The following NFIB variants were observed in gnomAD, a reference collection of about 807,000 sequenced individuals.
NFIB encodes the protein nuclear factor 1 B-type.
In NFIB, 11 loss-of-function variants were observed where a neutral mutation model predicts 61.5. That is an observed-to-expected ratio of 0.18 (90% CI 0.11 to 0.30). NFIB has a LOEUF of 0.30. Ranked by LOEUF, NFIB falls within the 10% of genes least tolerant of loss-of-function variation. The pLI is 1.00. For synonymous variants in NFIB, 260 were observed against 216.5 expected, an observed-to-expected ratio of 1.20 and a Z score of -1.76; for missense variants, 471 against 608.9, an observed-to-expected ratio of 0.77 and a Z score of 2.38.
In NFIB at chr9:14,231,129, AAAAAAAATATATAT is replaced by A. The variant is rs1371351652; in HGVS notation, c.563-51363_563-51350del. Among the ~76,000 whole-genome samples, 3 of 78,178 alleles carry A rather than the reference AAAAAAAATATATAT, an allele frequency of 3.8e-5. No individual in the cohort carries two copies. The East Asian group carries it at 1.4e-3, about 36-fold the overall frequency. The allele number at this position is 78,178 out of a possible 152,430, so 51.3% of individuals were successfully genotyped here. Reference sequence around the variant, plus strand: ...ACAGTTTTTCCATGGGGAAAAAAAAAAAAAAAATATATATATATATATATATATATATATATATT... The same window carrying A: ...ACAGTTTTTCCATGGGGAAAAAAAAAATATATATATATATATATATATATT... On this transcript the variant is annotated intron_variant, in intron 2 of 10. Coordinates refer to ENST00000380953, the MANE Select transcript of NFIB (RefSeq NM_001190737.2).
intron 10 of NFIB, among the ~76,000 whole-genome samples, chr9:14,105,828 T>A (rs749450238): frequency 3.0e-4 from 45 of 152,192 alleles, no homozygotes; most frequent in South Asian, 1.4e-3. Context: ...GCCTTTAGCA[T>A]AATTCAGTTT....
the NFIB span, among the ~76,000 whole-genome samples, chr9:14,415,369 A>G: frequency 6.6e-6 from 1 of 152,164 alleles, no homozygotes; most frequent in Non-Finnish European, 1.5e-5. Flanking sequence ...ACAACACATG[A>G]CTTATACCAT....
intron 3 of NFIB, among the ~76,000 whole-genome samples, chr9:14,174,353 C>T (rs1335758319): frequency 6.6e-6 from 1 of 152,062 alleles, no homozygotes; most frequent in Non-Finnish European, 1.5e-5. Flanking sequence ...TTGTCTAGTG[C>T]CAAAGTTTAA....
At chr9:14,476,428 C>A in the NFIB span, among the ~76,000 whole-genome samples, 757 of 152,174 alleles carry the variant, frequency 5.0e-3, 23 homozygotes, top group East Asian at 0.044. Context: ...GTGATGTGAG[C>A]CAGATCAGTG....
rs536854463 is a variant in NFIB at position 14,130,013 on chromosome 9, G to GAA, written c.926-4249_926-4248dup. Among the ~76,000 whole-genome samples the GAA allele has an allele frequency of 8.1e-3, 1,233 of 152,166 alleles. 11 individuals carry two copies. Among genetic ancestry groups the GAA allele is most frequent in the Middle Eastern group, 0.024 (7 of 294 alleles). ...GACAGAACAATTTAAATTTGATTTA[G>GAA]AAAGTAATAATTTATAAATGAATTG... On this transcript the variant is annotated intron_variant, in intron 6 of 10. Transcript: ENST00000380953.
At chr9:14,506,323 A>G in the NFIB span, among the ~76,000 whole-genome samples, 1 of 152,144 alleles carries the variant, frequency 6.6e-6, no homozygotes, top group Non-Finnish European at 1.5e-5. Context: ...CCATGAGAGC[A>G]CCTGCCATGC....
chr9:14,295,524 G>A (rs373308616), intron 2 of NFIB, among the ~76,000 whole-genome samples: 7 of 151,948 alleles, frequency 4.6e-5, no homozygotes, highest in East Asian at 3.9e-4. Context: ...CCAGCTACTC[G>A]GCAAGCTGAG....
intron 6 of NFIB, among the ~76,000 whole-genome samples, chr9:14,143,472 A>T (rs2041967657): frequency 6.6e-6 from 1 of 152,174 alleles, no homozygotes; most frequent in Admixed American, 6.6e-5. Context: ...TTTGATTCTC[A>T]TATTTAATAA....
At chr9:14,111,717 C>T (rs894551595) in intron 10 of NFIB, among the ~76,000 whole-genome samples, 36 of 152,126 alleles carry the variant, frequency 2.4e-4, no homozygotes, top group Admixed American at 5.2e-4. Flanking sequence ...AAGCCAATGG[C>T]TGGCAAAACC....
chr9:14,420,135 A>G, the NFIB span, among the ~76,000 whole-genome samples: 1 of 152,090 alleles, frequency 6.6e-6, no homozygotes, highest in African/African-American at 2.4e-5. Flanking sequence ...TCTTTTCTCA[A>G]CACTTCAATC....
At chr9:14,463,133 C>A in the NFIB span, among the ~76,000 whole-genome samples, 1 of 119,478 alleles carries the variant, frequency 8.4e-6, no homozygotes, top group South Asian at 2.9e-4. Context: ...ATAATTAAAT[C>A]ATAAAATAAT....
intron 2 of NFIB, among the ~76,000 whole-genome samples, chr9:14,231,735 T>C (rs1332787881): frequency 2.6e-5 from 4 of 152,170 alleles, no homozygotes; most frequent in African/African-American, 9.7e-5. Context: ...ACAGGACACG[T>C]GAATGGCTCC....
At chr9:14,408,543 TG>T in the NFIB span, among the ~76,000 whole-genome samples, 1 of 152,224 alleles carries the variant, frequency 6.6e-6, no homozygotes, top group Admixed American at 6.5e-5. Context: ...AACTGTCACT[TG>T]AAGATTAATT....
At chr9:14,284,453 G>A (rs574083774) in intron 2 of NFIB, among the ~76,000 whole-genome samples, 5 of 152,028 alleles carry the variant, frequency 3.3e-5, no homozygotes, top group African/African-American at 7.2e-5. Flanking sequence ...AAGGGGTGGC[G>A]GAATTTTTGT....
chr9:14,422,634 C>A, the NFIB span, among the ~76,000 whole-genome samples: 3 of 152,222 alleles, frequency 2.0e-5, no homozygotes, highest in African/African-American at 7.2e-5. Context: ...ACTTTCCACT[C>A]AAGACACTCC....
intron 1 of NFIB, among the ~76,000 whole-genome samples, chr9:14,391,443 G>A (rs1306273698): frequency 9.2e-6 from 1 of 108,454 alleles, no homozygotes; most frequent in East Asian, 2.4e-4. Context: ...GCTGGTACCA[G>A]GGAAAGGCAG....
the NFIB span, among the ~76,000 whole-genome samples, chr9:14,486,486 T>C: frequency 1.3e-5 from 2 of 152,198 alleles, no homozygotes; most frequent in African/African-American, 4.8e-5. Flanking sequence ...AAAATATGCC[T>C]AGGGACTGAG....
intron 2 of NFIB, among the ~76,000 whole-genome samples, chr9:14,249,537 T>G (rs765525753): frequency 1.4e-4 from 22 of 152,174 alleles, no homozygotes; most frequent in South Asian, 4.1e-4. Flanking sequence ...GATCCTTTGA[T>G]TTGGGAAATT....
At chr9:14,336,906 A>G (rs1048745188) in intron 1 of NFIB, among the ~76,000 whole-genome samples, 1 of 152,186 alleles carries the variant, frequency 6.6e-6, no homozygotes, top group African/African-American at 2.4e-5. Flanking sequence ...AACTCTGCCA[A>G]TGTTATACAC....
Sources: gnomAD v4.1 joint callset for allele counts (sites outside exome capture counted in the v4.1 genomes callset) on GRCh38, gnomAD v4.1.1 for gene constraint, MANE v1.5 for transcripts, NCBI Gene and HGNC (gene_info 2026-07-23, HGNC 2026-07-21) for gene names.